The following CNTNAP2 variants were observed in gnomAD, a reference collection of about 807,000 sequenced individuals.
The protein encoded by CNTNAP2 is contactin-associated protein-like 2.
A neutral mutation model predicts 155.2 loss-of-function variants in CNTNAP2; 98 were observed. The observed-to-expected ratio is 0.63, with a 90% CI of 0.54 to 0.75. CNTNAP2 has a LOEUF of 0.75. CNTNAP2 is among the 30% of genes least tolerant of loss of function. The pLI is 0.00. For synonymous variants in CNTNAP2, 651 were observed against 631.2 expected, an observed-to-expected ratio of 1.03 and a Z score of -0.47; for missense variants, 1,727 against 1,688.1, an observed-to-expected ratio of 1.02 and a Z score of -0.40.
intron 14 of CNTNAP2, among the ~76,000 whole-genome samples, chr7:147,931,015 A>T (rs935984662): frequency 1.1e-4 from 16 of 152,194 alleles, no homozygotes; most frequent in African/African-American, 3.6e-4. Context: ...AAAACACAAC[A>T]TACCAAAATG....
At chr7:147,373,325 C>CA (rs1796380267) in intron 9 of CNTNAP2, among the ~76,000 whole-genome samples, 1 of 151,806 alleles carries the variant, frequency 6.6e-6, no homozygotes, top group Non-Finnish European at 1.5e-5. Context: ...TTCATATTAT[C>CA]AAAAAATGTC....
intron 12 of CNTNAP2, among the ~76,000 whole-genome samples, chr7:147,580,457 G>C (rs1800477466): frequency 1.3e-5 from 2 of 152,034 alleles, no homozygotes; most frequent in Non-Finnish European, 2.9e-5. Context: ...CTTATGTTTT[G>C]ACAGTCCATA....
intron 14 of CNTNAP2, among the ~76,000 whole-genome samples, chr7:147,904,414 A>G (rs886191609): frequency 2.3e-4 from 35 of 152,210 alleles, no homozygotes; most frequent in Non-Finnish European, 8.8e-5. Context: ...AAGGCCCCAG[A>G]AGTTTAGGTG....
intron 8 of CNTNAP2, among the ~76,000 whole-genome samples, chr7:147,172,031 T>C (rs926893074): frequency 1.3e-5 from 2 of 152,198 alleles, no homozygotes. Flanking sequence ...ATTAACATGA[T>C]GTTTCTGCCC....
intron 12 of CNTNAP2, among the ~76,000 whole-genome samples, chr7:147,609,698 G>A (rs1801145809): frequency 6.6e-6 from 1 of 152,052 alleles, no homozygotes; most frequent in Non-Finnish European, 1.5e-5. Flanking sequence ...AGGGTTTGAT[G>A]AGTGAGTGTA....
intron 8 of CNTNAP2, among the ~76,000 whole-genome samples, chr7:147,264,792 A>G (rs1804570122): frequency 6.6e-6 from 1 of 151,944 alleles, no homozygotes. Context: ...ATGAGCTACA[A>G]ATGTTAACAG....
rs1416264162 is a variant in CNTNAP2 at position 146,712,169 on chromosome 7, C to G, written c.98-62102C>G. On this transcript the variant is annotated intron_variant, in intron 1 of 23. Coordinates refer to ENST00000361727, the MANE Select transcript of CNTNAP2 (RefSeq NM_014141.6). Reference sequence around the variant, plus strand: ...ATATAGTATACATATCTTATGTATACAAATATGTATACATATCTTATGTAT... The same window carrying G: ...ATATAGTATACATATCTTATGTATAGAAATATGTATACATATCTTATGTAT... Among the ~76,000 whole-genome samples the G allele has an allele frequency of 2.6e-5, 3 of 115,030 alleles. 1 individual carries two copies. The highest frequency in any genetic ancestry group is 1.1e-4 in the African/African-American group (3 of 28,138). 75.5% of individuals were successfully genotyped at this position (115,030 alleles called of 152,430 possible).
At chr7:146,706,801 A>T (rs772119145) in intron 1 of CNTNAP2, among the ~76,000 whole-genome samples, 11 of 152,122 alleles carry the variant, frequency 7.2e-5, no homozygotes, top group Non-Finnish European at 1.3e-4. Context: ...AGGATCAGGA[A>T]AAATAACTAA....
chr7:146,535,634 T>C (rs1177274749), intron 1 of CNTNAP2, among the ~76,000 whole-genome samples: 1 of 151,242 alleles, frequency 6.6e-6, no homozygotes, highest in Non-Finnish European at 1.5e-5. Flanking sequence ...TTGTTTTAGA[T>C]ACAAGGGCTA....
At chr7:146,657,074 G>C (rs570103082) in intron 1 of CNTNAP2, among the ~76,000 whole-genome samples, 3 of 152,166 alleles carry the variant, frequency 2.0e-5, no homozygotes, top group South Asian at 2.1e-4. Context: ...CTCTCTCTCT[G>C]TAGCTCTCTC....
rs1800277573 is a variant in CNTNAP2, at chr7:147,571,013, A to T, written c.1897+8756A>T. 1.3e-5 allele frequency among the ~76,000 whole-genome samples: 2 copies of T among 152,190 alleles called. 1 individual carries two copies. The highest frequency in any genetic ancestry group is 4.1e-4 in the South Asian group (2 of 4,830). On this transcript the variant is annotated intron_variant, in intron 12 of 23. Transcript: ENST00000361727. The stretch of plus-strand genomic sequence containing the variant: ...ACAGCATTTTTGTTATAAACAATTT[A>T]CTTCTTAATTATCTAACTAATGCCT...
At chr7:146,631,159 A>G (rs1012136365) in intron 1 of CNTNAP2, among the ~76,000 whole-genome samples, 2 of 152,164 alleles carry the variant, frequency 1.3e-5, no homozygotes, top group African/African-American at 4.8e-5. Flanking sequence ...ACTTCAAACT[A>G]CACTACAAGG....
chr7:147,751,971 GCTGGA>G (rs1797143124), intron 13 of CNTNAP2, among the ~76,000 whole-genome samples: 1 of 150,946 alleles, frequency 6.6e-6, no homozygotes, highest in African/African-American at 2.4e-5. Context: ...AAGCAATCGA[GCTGGA>G]ATCTACACAC....
chr7:147,449,099 C>T (rs924343797), intron 10 of CNTNAP2, among the ~76,000 whole-genome samples: 2 of 152,104 alleles, frequency 1.3e-5, no homozygotes, highest in African/African-American at 2.4e-5. Flanking sequence ...AATGGACAGG[C>T]AAGATAAATC....
At chr7:147,584,127 G>T (rs567059525) in intron 12 of CNTNAP2, among the ~76,000 whole-genome samples, 1 of 152,146 alleles carries the variant, frequency 6.6e-6, no homozygotes, top group Non-Finnish European at 1.5e-5. Context: ...GAAATTTGGG[G>T]AATGGCTCAA....
chr7:146,869,181 G>T (rs947299612), intron 3 of CNTNAP2, among the ~76,000 whole-genome samples: 1 of 152,062 alleles, frequency 6.6e-6, no homozygotes, highest in Non-Finnish European at 1.5e-5. Context: ...TTATTTTGAG[G>T]TATGTTCCTT....
intron 1 of CNTNAP2, among the ~76,000 whole-genome samples, chr7:146,308,150 A>T (rs1056878767): frequency 2.0e-5 from 3 of 152,222 alleles, no homozygotes; most frequent in African/African-American, 7.2e-5. Context: ...AAACAACCCC[A>T]TCAAAAAGTG....
chr7:147,760,242 CG>C (rs1797278472), intron 13 of CNTNAP2, among the ~76,000 whole-genome samples: 1 of 149,346 alleles, frequency 6.7e-6, no homozygotes, highest in Admixed American at 6.6e-5. Flanking sequence ...TTGAGCTTCA[CG>C]GGAAAAAAAA....
At chr7:146,520,111 T>A (rs1797596390) in intron 1 of CNTNAP2, among the ~76,000 whole-genome samples, 1 of 151,356 alleles carries the variant, frequency 6.6e-6, no homozygotes, top group East Asian at 1.9e-4. Context: ...AAGCACAATA[T>A]TTTTTCTTGC....
Sources: gnomAD v4.1 joint callset for allele counts (sites outside exome capture counted in the v4.1 genomes callset) on GRCh38, gnomAD v4.1.1 for gene constraint, MANE v1.5 for transcripts, NCBI Gene and HGNC (gene_info 2026-07-23, HGNC 2026-07-21) for gene names.